GRM8: variants seen among roughly 807,000 people sequenced by gnomAD.
GRM8 encodes metabotropic glutamate receptor 8.
GRM8 carries 47 observed loss-of-function variants against 87.2 expected under a neutral mutation model. The ratio of observed to expected loss-of-function variants is 0.54; its 90% confidence interval spans 0.43 to 0.69. The LOEUF (loss-of-function observed/expected upper bound fraction) is 0.69, where lower values mean the gene tolerates loss of function less well. GRM8 is among the 30% of genes least tolerant of loss of function. GRM8 has a pLI of 0.00. For synonymous variants in GRM8, 396 were observed against 404.5 expected (o/e 0.98, Z 0.25); for missense variants, 1,019 against 1,139.2 (o/e 0.89, Z 1.52).
chr7:126,838,932 C>T (rs1209309309), intron 6 of GRM8, among the ~76,000 whole-genome samples: 1 of 152,234 alleles, frequency 6.6e-6, no homozygotes, highest in Non-Finnish European at 1.5e-5. Flanking sequence ...GGGGAAAGCC[C>T]TAGGTGCAGG....
At chr7:127,245,375 G>T (rs1166691556) in intron 1 of GRM8, among the ~76,000 whole-genome samples, 2 of 152,218 alleles carry the variant, frequency 1.3e-5, no homozygotes, top group Non-Finnish European at 2.9e-5. Flanking sequence ...TGTCTAGGGG[G>T]AGTGGATGGG....
intron 7 of GRM8, among the ~76,000 whole-genome samples, chr7:126,746,745 TG>T (rs1158300427): frequency 1.3e-5 from 2 of 151,788 alleles, no homozygotes; most frequent in African/African-American, 4.8e-5. Context: ...TTATTCTATT[TG>T]GTTTTAATTA....
At chr7:127,009,332 A>G (rs1814643245) in intron 3 of GRM8, among the ~76,000 whole-genome samples, 1 of 152,134 alleles carries the variant, frequency 6.6e-6, no homozygotes, top group African/African-American at 2.4e-5. Flanking sequence ...ATTAATTTGG[A>G]ATTTTGATCA....
At chr7:127,171,088 A>T (rs886629315) in intron 2 of GRM8, among the ~76,000 whole-genome samples, 2 of 152,230 alleles carry the variant, frequency 1.3e-5, no homozygotes, top group Non-Finnish European at 2.9e-5. Context: ...ACCTTCATGG[A>T]CAACTTGGAG....
intron 3 of GRM8, among the ~76,000 whole-genome samples, chr7:127,053,775 G>A (rs1357721637): frequency 1.9e-4 from 20 of 104,780 alleles, no homozygotes; most frequent in African/African-American, 6.1e-4. Flanking sequence ...GTGACAGAGC[G>A]AGACTCTGTC....
In GRM8 at chr7:126,728,407, G is replaced by C. The variant is rs538485878; in HGVS notation, c.1357+41458C>G. On this transcript the variant is annotated intron_variant, in intron 7 of 10. Coordinates refer to ENST00000339582, the MANE Select transcript of GRM8 (RefSeq NM_000845.3). ...GGCTCACAGCGGGAGTAGAAGAAAA[G>C]ATCCCATTGCAGAGCAGTAATGATG... 2.6e-4 allele frequency among the ~76,000 whole-genome samples: 40 copies of C among 152,094 alleles called. No homozygotes were observed. The South Asian group carries it at 8.1e-3, about 31-fold the overall frequency.
chr7:126,685,187 T>C lies in GRM8; in HGVS notation c.1358-75689A>G, dbSNP rs1267502550. On this transcript the variant is annotated intron_variant, in intron 7 of 10. Coordinates refer to ENST00000339582, the MANE Select transcript of GRM8 (RefSeq NM_000845.3). This position sits in a 1 kb window ranked among gnomAD's most constrained non-coding sequence, Gnocchi z 4.2. ...TCATGGGGAAGAGGCGAATAGTCCC[T>C]AGAGACTTCCCCTGGGGGACCCCCT... Among the ~76,000 whole-genome samples, 1 of 152,184 alleles carries C rather than the reference T, an allele frequency of 6.6e-6. No individual in the cohort carries two copies. The highest frequency in any genetic ancestry group is 1.5e-5 in the Non-Finnish European group (1 of 68,008).
intron 2 of GRM8, among the ~76,000 whole-genome samples, chr7:127,237,553 T>C (rs2116848532): frequency 6.6e-6 from 1 of 152,314 alleles, no homozygotes; most frequent in African/African-American, 2.4e-5. Flanking sequence ...ACAAGCTGCT[T>C]CTCAGTATTT....
At chr7:126,467,307 T>A (rs1217201202) in intron 9 of GRM8, among the ~76,000 whole-genome samples, 1 of 152,032 alleles carries the variant, frequency 6.6e-6, no homozygotes, top group Non-Finnish European at 1.5e-5. Context: ...GCCTCTAGAA[T>A]CTTATCATTA....
chr7:126,511,980 T>C (rs1730577503), intron 9 of GRM8: 1 of 152,108 alleles, frequency 6.6e-6, no homozygotes, highest in African/African-American at 2.4e-5. Flanking sequence ...AGGCAGAGAA[T>C]TAGCCGGTGT....
At chr7:126,766,554 C>T (rs916281868) in intron 7 of GRM8, among the ~76,000 whole-genome samples, 12 of 152,042 alleles carry the variant, frequency 7.9e-5, no homozygotes, top group African/African-American at 2.9e-4. Flanking sequence ...CTGATCCTGG[C>T]AGACAATCTA....
intron 2 of GRM8, among the ~76,000 whole-genome samples, chr7:127,226,923 T>G (rs1316680590): frequency 6.6e-6 from 1 of 152,228 alleles, no homozygotes; most frequent in Non-Finnish European, 1.5e-5. Context: ...GCTGCAACTT[T>G]CCACTGGCAC....
chr7:126,941,113 G>T (rs1806870870), intron 3 of GRM8, among the ~76,000 whole-genome samples: 1 of 152,156 alleles, frequency 6.6e-6, no homozygotes, highest in Non-Finnish European at 1.5e-5. Context: ...ATGAGCATTT[G>T]TCATCATACA....
chr7:127,171,226 C>T (rs1194106211), intron 2 of GRM8, among the ~76,000 whole-genome samples: 1 of 152,116 alleles, frequency 6.6e-6, no homozygotes, highest in South Asian at 2.1e-4. Context: ...GATGAGAAGT[C>T]GCTTCTTATG....
chr7:126,941,593 C>A (rs1210032441), intron 3 of GRM8, among the ~76,000 whole-genome samples: 3 of 150,474 alleles, frequency 2.0e-5, no homozygotes, highest in African/African-American at 7.4e-5. Context: ...GCACTCCAGC[C>A]TGGGCAACAG....
intron 8 of GRM8, among the ~76,000 whole-genome samples, chr7:126,553,276 T>G (rs1463592374): frequency 6.6e-6 from 1 of 152,178 alleles, no homozygotes; most frequent in Non-Finnish European, 1.5e-5. Context: ...TGTACTCTTC[T>G]TTGTATAAAA....
chr7:127,041,479 C>G (rs143713092), intron 3 of GRM8, among the ~76,000 whole-genome samples: 2 of 152,208 alleles, frequency 1.3e-5, no homozygotes. Flanking sequence ...AGCCAATGAT[C>G]AGACGCTATG....
At chr7:126,806,479 T>C (rs1009074639) in intron 6 of GRM8, among the ~76,000 whole-genome samples, 3 of 152,232 alleles carry the variant, frequency 2.0e-5, no homozygotes, top group Non-Finnish European at 2.9e-5. Flanking sequence ...GCTGGCCTGC[T>C]TTTATTCCCC....
At chr7:126,916,866 T>C (rs1168942436) in intron 3 of GRM8, among the ~76,000 whole-genome samples, 1 of 152,194 alleles carries the variant, frequency 6.6e-6, no homozygotes, top group African/African-American at 2.4e-5. Flanking sequence ...AAAAACTCAG[T>C]CTTTCAAGGA....
Sources: allele counts gnomAD v4.1 joint callset (sites outside exome capture counted in the v4.1 genomes callset), GRCh38; gene constraint gnomAD v4.1.1; non-coding constraint Gnocchi (gnomAD v3.1); transcripts MANE v1.5; gene names NCBI Gene and HGNC (gene_info 2026-07-23, HGNC 2026-07-21).